The following NCKAP5 variants were observed in gnomAD, a reference collection of about 807,000 sequenced individuals.
NCKAP5 encodes NCK associated protein 5.
In NCKAP5, 92 loss-of-function variants were observed where a neutral mutation model predicts 167.0. That is an observed-to-expected ratio of 0.55 (90% CI 0.47 to 0.66). The LOEUF (loss-of-function observed/expected upper bound fraction) is 0.66, where lower values mean the gene tolerates loss of function less well. Among genes scored for constraint, NCKAP5 ranks in the 30% least tolerant of loss-of-function variants. The probability of loss-of-function intolerance (pLI) is 0.00; values close to 1 mark genes in which losing one functional copy is unlikely to be tolerated. For missense variants in NCKAP5, 2,378 were observed against 2,315.0 expected (o/e 1.03, Z -0.56); for synonymous variants, 891 against 877.4 (o/e 1.02, Z -0.27).
At chr2:133,151,409 G>C (rs1202370737) in intron 5 of NCKAP5, among the ~76,000 whole-genome samples, 1 of 152,046 alleles carries the variant, frequency 6.6e-6, no homozygotes, top group East Asian at 1.9e-4. Context: ...TTTGATAAGA[G>C]ATGGGTATAC....
intron 11 of NCKAP5, among the ~76,000 whole-genome samples, chr2:132,858,129 CA>C (rs3214772): frequency 0.25 from 38,648 of 151,890 alleles, 5,249 homozygotes; most frequent in East Asian, 0.45. Flanking sequence ...CTAAGAAGTG[CA>C]AAAAAACTAC....
At chr2:132,714,991 T>G in intron 19 of NCKAP5, 1 of 416,004 alleles carries the variant, frequency 2.4e-6, no homozygotes, top group Non-Finnish European at 4.7e-6. Context: ...TACTTGACAT[T>G]TGTCCTGGTT....
At chr2:132,978,770 C>G (rs562617205) in intron 7 of NCKAP5, among the ~76,000 whole-genome samples, 8 of 152,180 alleles carry the variant, frequency 5.3e-5, no homozygotes, top group African/African-American at 1.9e-4. Flanking sequence ...CTCTCTGAAG[C>G]GGTCCTCGTC....
chr2:133,471,263 G>A (rs1034482497), intron 3 of NCKAP5, among the ~76,000 whole-genome samples: 3 of 152,044 alleles, frequency 2.0e-5, no homozygotes, highest in South Asian at 2.1e-4. Context: ...GCCTCAGCAC[G>A]AACAGCCACT....
chr2:132,900,549 C>T (rs1172057646), intron 8 of NCKAP5, among the ~76,000 whole-genome samples: 2 of 152,162 alleles, frequency 1.3e-5, no homozygotes, highest in Non-Finnish European at 2.9e-5. Flanking sequence ...TCTATACTGG[C>T]ATGGCACTTT....
At chr2:132,967,807 G>A (rs1205221582) in intron 7 of NCKAP5, among the ~76,000 whole-genome samples, 3 of 152,278 alleles carry the variant, frequency 2.0e-5, no homozygotes, top group Non-Finnish European at 4.4e-5. Flanking sequence ...AGTAATATAA[G>A]GTATTAGTAG....
chr2:132,910,526 T>C (rs1244216515), intron 8 of NCKAP5, among the ~76,000 whole-genome samples: 1 of 152,202 alleles, frequency 6.6e-6, no homozygotes, highest in African/African-American at 2.4e-5. Flanking sequence ...AATGTTTGTC[T>C]TTCTGTGCCT....
At chr2:133,249,998 T>TTTATTATTATTATTATTATTATTATTA (rs10685479) in intron 4 of NCKAP5, among the ~76,000 whole-genome samples, 2 of 138,226 alleles carry the variant, frequency 1.4e-5, no homozygotes, top group East Asian at 2.1e-4. Context: ...CACCAAGGGT[T>TTTATTATTATTATTATTATTATTATTA]TTATTATTAT....
At chr2:133,501,877 C>T (rs1469567294) in intron 3 of NCKAP5, among the ~76,000 whole-genome samples, 1 of 152,212 alleles carries the variant, frequency 6.6e-6, no homozygotes, top group Non-Finnish European at 1.5e-5. Context: ...AGAAATAGCA[C>T]TACACAACAT....
rs1404528832 is a variant in NCKAP5, at chr2:132,783,973, G to A, written c.2838C>T (p.Asp946=). 6.3e-7 allele frequency: 1 copy of A among 1,598,178 alleles called. No homozygotes were observed. Among genetic ancestry groups the A allele is most frequent in the Non-Finnish European group, 8.5e-7 (1 of 1,173,664 alleles). The change falls in exon 14 of 20, where the codon GAC becomes GAT. Residue 946 remains aspartate (D), a synonymous_variant. Coordinates refer to ENST00000409261, the MANE Select transcript of NCKAP5 (RefSeq NM_207363.3). ...TGGTGGATGAAGGTGCTGGTGAATA[G>A]TCATAGCTGGGCCTGGCCAGCAGGG... The part of the protein sequence containing the change: ...SVSLLARPSY[D]YSPAPSSTKS...
chr2:133,028,865 T>C (rs1489707783), intron 6 of NCKAP5, among the ~76,000 whole-genome samples: 2 of 152,146 alleles, frequency 1.3e-5, no homozygotes, highest in African/African-American at 4.8e-5. Context: ...GCTGTTCTCA[T>C]GACAGTAAGC....
At chr2:132,794,462 G>A (rs889141507) in intron 12 of NCKAP5, among the ~76,000 whole-genome samples, 5 of 150,636 alleles carry the variant, frequency 3.3e-5, no homozygotes, top group South Asian at 2.1e-4. Flanking sequence ...GTGAAACCCC[G>A]TCTCTACTAA....
intron 3 of NCKAP5, among the ~76,000 whole-genome samples, chr2:133,435,823 T>C (rs1438147551): frequency 6.6e-6 from 1 of 152,190 alleles, no homozygotes; most frequent in Non-Finnish European, 1.5e-5. Context: ...TGGTGTTCTC[T>C]TCTCTCACCT....
chr2:133,613,866 C>T, the NCKAP5 span, among the ~76,000 whole-genome samples: 4 of 152,302 alleles, frequency 2.6e-5, no homozygotes, highest in African/African-American at 9.6e-5. Flanking sequence ...AGAGTGTTAA[C>T]AGAAATTAGA....
chr2:132,877,966 C>T (rs754746403), intron 9 of NCKAP5, among the ~76,000 whole-genome samples: 2 of 152,168 alleles, frequency 1.3e-5, no homozygotes, highest in African/African-American at 2.4e-5. Context: ...AACTGAATTA[C>T]TCAGACCACA....
At chr2:133,070,361 C>T (rs754559745) in intron 6 of NCKAP5, among the ~76,000 whole-genome samples, 1 of 152,170 alleles carries the variant, frequency 6.6e-6, no homozygotes, top group Admixed American at 6.5e-5. Context: ...CTCACCCCAA[C>T]TCCTGACAAA....
At chr2:133,217,875 T>C (rs546064933) in intron 4 of NCKAP5, among the ~76,000 whole-genome samples, 252 of 152,226 alleles carry the variant, frequency 1.7e-3, no homozygotes, top group Non-Finnish European at 3.3e-3. Context: ...CTGGTTCTGG[T>C]TAACCACAAA....
intron 3 of NCKAP5, among the ~76,000 whole-genome samples, chr2:133,471,056 G>T (rs148173327): frequency 2.1e-4 from 32 of 152,172 alleles, no homozygotes; most frequent in Admixed American, 6.5e-5. Context: ...TTGCTTTTAT[G>T]TACTGATCAT....
chr2:133,091,480 G>A (rs1307714319), intron 6 of NCKAP5, among the ~76,000 whole-genome samples: 1 of 151,918 alleles, frequency 6.6e-6, no homozygotes, highest in Non-Finnish European at 1.5e-5. Flanking sequence ...CTAGATAAAG[G>A]GCCCTGGGTA....
Sources: gnomAD v4.1 joint callset for allele counts (sites outside exome capture counted in the v4.1 genomes callset) on GRCh38, gnomAD v4.1.1 for gene constraint, MANE v1.5 for transcripts, NCBI Gene and HGNC (gene_info 2026-07-23, HGNC 2026-07-21) for gene names.